SNTG1: variants seen among roughly 807,000 people sequenced by gnomAD.
SNTG1 encodes syntrophin gamma 1.
SNTG1 carries 39 observed loss-of-function variants against 74.7 expected under a neutral mutation model. The ratio of observed to expected loss-of-function variants is 0.52; its 90% CI spans 0.40 to 0.68. SNTG1 has a LOEUF of 0.68. Among genes scored for constraint, SNTG1 ranks in the 30% least tolerant of loss-of-function variants. The pLI, the probability that SNTG1 is intolerant of heterozygous loss-of-function variation, is 0.00. For missense variants in SNTG1, 685 were observed against 609.5 expected, an observed-to-expected ratio of 1.12 and a Z score of -1.30; for synonymous variants, 254 against 217.1, an observed-to-expected ratio of 1.17 and a Z score of -1.49.
At chr8:50,080,498 T>A (rs1822305490) in intron 1 of SNTG1, among the ~76,000 whole-genome samples, 1 of 152,216 alleles carries the variant, frequency 6.6e-6, no homozygotes, top group Non-Finnish European at 1.5e-5. Flanking sequence ...ATTTGCTACT[T>A]TTTAAACAGT....
chr8:50,104,595 C>T (rs1018878680), intron 1 of SNTG1, among the ~76,000 whole-genome samples: 10 of 151,850 alleles, frequency 6.6e-5, no homozygotes, highest in Non-Finnish European at 1.0e-4. Context: ...TATTTTTCGC[C>T]GTCTGCTAGC....
chr8:50,363,957 G>T (rs1249374520), intron 2 of SNTG1, among the ~76,000 whole-genome samples: 3 of 152,112 alleles, frequency 2.0e-5, no homozygotes, highest in Admixed American at 2.0e-4. Flanking sequence ...AGAGATACAC[G>T]CCTCAGGCAT....
chr8:50,311,728 A>C (rs2090121385), intron 2 of SNTG1, among the ~76,000 whole-genome samples: 1 of 152,230 alleles, frequency 6.6e-6, no homozygotes, highest in African/African-American at 2.4e-5. Context: ...TTAAGAATGT[A>C]GGTAAGCGTT....
intron 1 of SNTG1, among the ~76,000 whole-genome samples, chr8:50,058,169 G>A (rs1586086999): frequency 6.6e-6 from 1 of 152,190 alleles, no homozygotes; most frequent in East Asian, 1.9e-4. Context: ...TGAGAGGTTG[G>A]GGGGTTACCA....
At chr8:50,696,312 G>T (rs960937394) in intron 15 of SNTG1, among the ~76,000 whole-genome samples, 4 of 151,984 alleles carry the variant, frequency 2.6e-5, no homozygotes, top group African/African-American at 7.2e-5. Context: ...TTTTAATGGG[G>T]TTATTTGTTT....
chr8:49,919,280 A>G (rs1414211527), intron 1 of SNTG1, among the ~76,000 whole-genome samples: 2 of 152,142 alleles, frequency 1.3e-5, no homozygotes, highest in Non-Finnish European at 2.9e-5. Context: ...TGGATCTTGA[A>G]GTAGGATGGG....
intron 2 of SNTG1, among the ~76,000 whole-genome samples, chr8:50,175,063 T>G (rs1377381857): frequency 6.6e-6 from 1 of 152,112 alleles, no homozygotes; most frequent in African/African-American, 2.4e-5. Context: ...TATGGCTGCA[T>G]AGTATTCCAT....
intron 1 of SNTG1, among the ~76,000 whole-genome samples, chr8:50,085,564 T>C (rs975922280): frequency 1.3e-5 from 2 of 152,256 alleles, no homozygotes; most frequent in African/African-American, 2.4e-5. Context: ...TTTCTGTCTC[T>C]ACTCCTCTAG....
chr8:50,014,089 T>A (rs1816083718), intron 1 of SNTG1, among the ~76,000 whole-genome samples: 1 of 152,144 alleles, frequency 6.6e-6, no homozygotes, highest in Non-Finnish European at 1.5e-5. Context: ...GGTGATGTTT[T>A]AAGTTGGTGC....
chr8:50,013,681 C>T (rs138680622), intron 1 of SNTG1, among the ~76,000 whole-genome samples: 354 of 151,994 alleles, frequency 2.3e-3, no homozygotes, highest in African/African-American at 5.8e-3. Flanking sequence ...CATATAATTA[C>T]GGTAATGAGA....
intron 1 of SNTG1, among the ~76,000 whole-genome samples, chr8:50,062,594 G>C (rs1820570545): frequency 6.6e-6 from 1 of 152,036 alleles, no homozygotes. Flanking sequence ...ATGTTCACAA[G>C]CTAAATATTT....
intron 2 of SNTG1, among the ~76,000 whole-genome samples, chr8:50,381,588 G>A (rs1269992305): frequency 6.3e-4 from 84 of 134,340 alleles, no homozygotes; most frequent in African/African-American, 2.0e-3. Context: ...GTGTGTGTGT[G>A]TGTGTATATA....
At chr8:50,736,649 A>T (rs1334700551) in intron 17 of SNTG1, among the ~76,000 whole-genome samples, 1 of 152,118 alleles carries the variant, frequency 6.6e-6, no homozygotes, top group Admixed American at 6.6e-5. Flanking sequence ...CATCGCACTT[A>T]TTCTAAAATT....
intron 12 of SNTG1, among the ~76,000 whole-genome samples, chr8:50,582,507 G>A (rs1384518639): frequency 6.6e-6 from 1 of 151,978 alleles, no homozygotes; most frequent in South Asian, 2.1e-4. Flanking sequence ...ATATAATTAA[G>A]CACAATGTCA....
rs139911454 is a variant in SNTG1 at position 49,931,055 on chromosome 8, C to G, written c.-103+18824C>G. ...ACTATTAAAAGACTTTGCAATTCCC[C>G]AAAGAGGAAACCCAAATGTTGCATA... On this transcript the variant is annotated intron_variant, in intron 1 of 18. Coordinates refer to ENST00000642720, the MANE Select transcript of SNTG1 (RefSeq NM_018967.5). Among the ~76,000 whole-genome samples the G allele has an allele frequency of 4.9e-3, 749 of 152,220 alleles. 1 individual carries two copies. The highest frequency in any genetic ancestry group is 0.015 in the African/African-American group (611 of 41,524).
intron 17 of SNTG1, 89 bp downstream of exon 17, chr8:50,709,067 TTAATTG>T: frequency 1.1e-6 from 1 of 895,496 alleles, no homozygotes; most frequent in Non-Finnish European, 1.8e-6. Flanking sequence ...TTTCAGCATT[TTAATTG>T]TAATCGTGTC....
chr8:50,664,616 C>CCT (rs2095241652), intron 15 of SNTG1, among the ~76,000 whole-genome samples: 2 of 152,140 alleles, frequency 1.3e-5, no homozygotes, highest in African/African-American at 4.8e-5. Flanking sequence ...TCTCTCTGGG[C>CCT]ACCATGATCA....
chr8:50,741,445 A>G (rs1324318358), intron 17 of SNTG1, among the ~76,000 whole-genome samples: 1 of 152,058 alleles, frequency 6.6e-6, no homozygotes, highest in Non-Finnish European at 1.5e-5. Flanking sequence ...CTTAAAATAA[A>G]AGTTAAATGT....
chr8:50,629,089 G>A (rs1353072495), intron 13 of SNTG1, among the ~76,000 whole-genome samples: 1 of 152,046 alleles, frequency 6.6e-6, no homozygotes, highest in African/African-American at 2.4e-5. Flanking sequence ...GAAATGGTGA[G>A]ATGTTGATCA....
Sources: gnomAD v4.1 joint callset for allele counts (sites outside exome capture counted in the v4.1 genomes callset) on GRCh38, gnomAD v4.1.1 for gene constraint, MANE v1.5 for transcripts, NCBI Gene and HGNC (gene_info 2026-07-23, HGNC 2026-07-21) for gene names.